Variants in CFDP1 observed in about 807,000 individuals in gnomAD.
The protein encoded by CFDP1 is heterochromatin-stabilizing protein CFDP1.
A neutral mutation model predicts 40.1 loss-of-function variants in CFDP1; 31 were observed. The observed-to-expected ratio is 0.77, with a 90% CI of 0.58 to 1.04. CFDP1 has a LOEUF of 1.04. Ranked by LOEUF, CFDP1 falls within the 50% of genes least tolerant of loss-of-function variation. The pLI is 0.00. For synonymous variants in CFDP1, 167 were observed against 120.0 expected, an observed-to-expected ratio of 1.39 and a Z score of -2.56; for missense variants, 423 against 343.4, an observed-to-expected ratio of 1.23 and a Z score of -1.83.
intron 6 of CFDP1, among the ~76,000 whole-genome samples, chr16:75,300,701 T>C (rs1039044802): frequency 1.1e-4 from 16 of 152,130 alleles, no homozygotes; most frequent in Non-Finnish European, 2.2e-4. Flanking sequence ...GAAAGTTAAG[T>C]TTGATGTGTC....
chr16:75,403,937 G>C (rs2151574727), intron 4 of CFDP1, among the ~76,000 whole-genome samples: 1 of 152,104 alleles, frequency 6.6e-6, no homozygotes, highest in East Asian at 2.0e-4. Context: ...TTGGAGACCA[G>C]CCTGGCCAAC....
chr16:75,330,838 T>G (rs1255676672), intron 5 of CFDP1, among the ~76,000 whole-genome samples: 1 of 152,058 alleles, frequency 6.6e-6, no homozygotes, highest in Non-Finnish European at 1.5e-5. Flanking sequence ...TTACTAATTA[T>G]CAAGTTCCAT....
chr16:75,388,117 C>T (rs1360945755), intron 5 of CFDP1, among the ~76,000 whole-genome samples: 1 of 152,192 alleles, frequency 6.6e-6, no homozygotes, highest in East Asian at 1.9e-4. Context: ...AATCCGAGTT[C>T]GACCAATCAT....
At chr16:75,358,742 C>T (rs1349301548) in intron 5 of CFDP1, among the ~76,000 whole-genome samples, 1 of 152,016 alleles carries the variant, frequency 6.6e-6, no homozygotes, top group Non-Finnish European at 1.5e-5. Flanking sequence ...GTCTGTCTGT[C>T]CAAGACCTGA....
At chr16:75,305,312 G>T in intron 5 of CFDP1, 130 bp from the exon 6 acceptor site, 1 of 895,236 alleles carries the variant, frequency 1.1e-6, no homozygotes, top group Non-Finnish European at 1.7e-6. Flanking sequence ...TTCATATTTG[G>T]GGCATTTCCT....
In CFDP1 at chr16:75,433,283, G is replaced by C. The variant is rs2079448452; in HGVS notation, c.64+6C>G. On this transcript the variant is annotated splice_donor_region_variant and intron_variant, in intron 1 of 6. Coordinates refer to ENST00000283882, the MANE Select transcript of CFDP1 (RefSeq NM_006324.3). ...TTCGCTTCTCGCCTCAGGCGGAATC[G>C]CTCACCCGACGGCACGTAGTCCTCG... 6 of 1,595,840 alleles carry C rather than the reference G, an allele frequency of 3.8e-6. No homozygotes were observed. Among genetic ancestry groups the C allele is most frequent in the Middle Eastern group, 1.9e-4 (1 of 5,192 alleles).
intron 5 of CFDP1, among the ~76,000 whole-genome samples, chr16:75,334,723 C>G (rs72804161): frequency 6.6e-6 from 1 of 151,954 alleles, no homozygotes; most frequent in Non-Finnish European, 1.5e-5. Flanking sequence ...GGGAGGCTGA[C>G]GCAGGCGGAT....
At chr16:75,318,612 G>T (rs1274743799) in intron 5 of CFDP1, among the ~76,000 whole-genome samples, 1 of 151,990 alleles carries the variant, frequency 6.6e-6, no homozygotes, top group African/African-American at 2.4e-5. Context: ...CACCGTGTTA[G>T]CCAGGATGGT....
intron 6 of CFDP1, among the ~76,000 whole-genome samples, chr16:75,295,213 G>C (rs2151496066): frequency 6.6e-6 from 1 of 152,162 alleles, no homozygotes; most frequent in South Asian, 2.1e-4. Flanking sequence ...CAGCATCCTA[G>C]GAAGTACCAT....
At chr16:75,317,965 C>CA (rs577064307) in intron 5 of CFDP1, among the ~76,000 whole-genome samples, 283 of 152,030 alleles carry the variant, frequency 1.9e-3, no homozygotes, top group African/African-American at 6.2e-3. Flanking sequence ...TAAAAAAATA[C>CA]AAAAAATTGG....
intron 6 of CFDP1, among the ~76,000 whole-genome samples, chr16:75,296,268 G>T (rs565600220): frequency 1.6e-4 from 24 of 152,272 alleles, no homozygotes; most frequent in South Asian, 1.0e-3. Context: ...TTAAGACAGG[G>T]TCTTGCTTTG....
chr16:75,304,630 T>C (rs976751790), intron 6 of CFDP1, among the ~76,000 whole-genome samples: 2 of 152,172 alleles, frequency 1.3e-5, no homozygotes, highest in Admixed American at 1.3e-4. Context: ...AGGCATTCCA[T>C]TGGCTCAGTT....
chr16:75,433,421 GGA>G lies in CFDP1; in HGVS notation c.-71_-70del. On this transcript the variant is annotated 5_prime_UTR_variant, in exon 1 of 7. An upstream open reading frame in the 5' UTR gains an earlier in-frame stop. Coordinates refer to ENST00000283882, the MANE Select transcript of CFDP1 (RefSeq NM_006324.3). ...GCCGCCTCCAACGGCAAAGCTCTAG[GGA>G]GAGACCATAGAGCCCCGGCGGCGGC... 2.0e-6 allele frequency: 3 copies of G among 1,488,170 alleles called. No individual in the cohort carries two copies. The highest frequency in any genetic ancestry group is 2.7e-6 in the Non-Finnish European group (3 of 1,095,778). 92.2% of individuals were successfully genotyped at this position (1,488,170 alleles called of 1,614,324 possible).
rs1208663632 is a variant in CFDP1, at chr16:75,433,362, G to A, written c.-10C>T. The stretch of plus-strand genomic sequence containing the variant: ...AGTCGAATTCCTCCATGTTGCTGCC[G>A]CTCGACGCTGGTCAAACTCACAAGA... On this transcript the variant is annotated 5_prime_UTR_variant, in exon 1 of 7. Transcript: ENST00000283882. The A allele has an allele frequency of 6.3e-7, 1 of 1,583,642 alleles. No homozygotes were observed. The highest frequency in any genetic ancestry group is 8.6e-7 in the Non-Finnish European group (1 of 1,164,926).
At chr16:75,384,243 G>A (rs1410492143) in intron 5 of CFDP1, among the ~76,000 whole-genome samples, 1 of 152,098 alleles carries the variant, frequency 6.6e-6, no homozygotes, top group East Asian at 1.9e-4. Context: ...TGTAATCCCA[G>A]CTACTTGGGA....
intron 5 of CFDP1, among the ~76,000 whole-genome samples, chr16:75,309,830 A>AAAAC (rs2078284269): frequency 6.7e-6 from 1 of 148,650 alleles, no homozygotes; most frequent in African/African-American, 2.5e-5. Context: ...AAAAAAAAAA[A>AAAAC]AAAAAAAAAA....
chr16:75,294,146 C>T (rs897369070), intron 6 of CFDP1, 104 bp from the exon 7 acceptor site: 8 of 801,530 alleles, frequency 1.0e-5, no homozygotes, highest in Non-Finnish European at 1.5e-5. Context: ...TAAATGGTGC[C>T]GAGAGTGACC....
chr16:75,428,201 G>T (rs1008858154), intron 1 of CFDP1, among the ~76,000 whole-genome samples: 1 of 151,746 alleles, frequency 6.6e-6, no homozygotes, highest in African/African-American at 2.4e-5. Context: ...ACAACGCTAG[G>T]CATTTAACAA....
intron 6 of CFDP1, among the ~76,000 whole-genome samples, chr16:75,303,070 C>A (rs566932874): frequency 1.3e-5 from 2 of 151,572 alleles, no homozygotes. Flanking sequence ...CGTGTAGGCG[C>A]GCGCCTGTAA....
Sources: allele counts gnomAD v4.1 joint callset (sites outside exome capture counted in the v4.1 genomes callset), GRCh38; gene constraint gnomAD v4.1.1; transcripts MANE v1.5; gene names NCBI Gene and HGNC (gene_info 2026-07-23, HGNC 2026-07-21).